Variants in DHX37 observed in about 807,000 individuals in gnomAD.
DHX37 encodes the protein probable ATP-dependent RNA helicase DHX37.
DHX37 carries 52 observed loss-of-function variants against 134.3 expected under a neutral mutation model. The observed-to-expected ratio is 0.39, with a 90% CI of 0.31 to 0.49. The LOEUF (loss-of-function observed/expected upper bound fraction) is 0.49. Among genes scored for constraint, DHX37 ranks in the 20% least tolerant of loss-of-function variants. The pLI is 0.93. For missense variants in DHX37, 1,344 were observed against 1,580.8 expected (o/e 0.85, Z 2.54); for synonymous variants, 634 against 670.7 (o/e 0.95, Z 0.85).
chr12:124,981,890 G>A lies in DHX37; in HGVS notation c.389+621C>T, dbSNP rs11057946. On this transcript the variant is annotated intron_variant, in intron 3 of 26. Transcript: ENST00000308736. ...TGTAATCCCAGCACTTTGGGAGGCC[G>A]AGGCGGGCAGATCACCCAAGGTTGG... Among the ~76,000 whole-genome samples, 88 of 151,892 alleles carry A rather than the reference G, an allele frequency of 5.8e-4. No homozygotes were observed. In the East Asian group the frequency reaches 7.1e-3, roughly 12 times the overall value.
chr12:124,980,813 C>T lies in DHX37; in HGVS notation c.415G>A (p.Gly139Ser). The change falls in exon 4 of 27, where the codon GGC (glycine) becomes AGC (serine). Residue 139 changes from glycine to serine, a missense_variant. Gly to Ser is a moderately conservative substitution (Grantham distance 56). This residue lies in a region of DHX37 where 319 missense variants were observed against 296.1 expected (regional missense o/e 1.08). Coordinates refer to ENST00000308736, the MANE Select transcript of DHX37 (RefSeq NM_032656.4). This position sits in a 1 kb window ranked among gnomAD's most constrained non-coding sequence, Gnocchi z 5.3. ...KEKADEVVAP[G>S]QEKISSLSGA... ...CTGAGGCTACTGATCTTCTCCTGGC[C>T]CGGGGCTACCACCTCGTCAGCCTTC... The T allele has an allele frequency of 4.5e-6, 7 of 1,556,232 alleles. No individual in the cohort carries two copies. Among genetic ancestry groups the T allele is most frequent in the Non-Finnish European group, 5.2e-6 (6 of 1,153,362 alleles).
intron 8 of DHX37, among the ~76,000 whole-genome samples, 167 bp downstream of exon 8, chr12:124,971,135 C>A (rs1240252863): frequency 6.6e-6 from 1 of 152,202 alleles, no homozygotes; most frequent in Admixed American, 6.5e-5. Context: ...ATTCACAGCC[C>A]TGGCACTAGG....
rs563881280 is a variant in DHX37 at position 124,970,035 on chromosome 12, C to T, written c.1192-1067G>A. Among the ~76,000 whole-genome samples, 8 of 152,304 alleles carry T rather than the reference C, an allele frequency of 5.3e-5. No homozygotes were observed. The East Asian group carries it at 1.5e-3, about 29-fold the overall frequency. ...TCACCCAGGCTGGAGTGCAGTGGCGCGATCGCGGCTCACTGCAAGCTCCAC... is the reference window on the plus strand; with the variant it reads ...TCACCCAGGCTGGAGTGCAGTGGCGTGATCGCGGCTCACTGCAAGCTCCAC... On this transcript the variant is annotated intron_variant, in intron 8 of 26. Coordinates refer to ENST00000308736, the MANE Select transcript of DHX37 (RefSeq NM_032656.4).
Position 124,982,609 on chromosome 12 carries a change from T to C in DHX37, c.291A>G (p.Leu97=). ...AAGCCTGGACTTCACTCAGCTTCTG[T>C]AGCATCTCTGCTCGCTGGGAAAGGA... ...KEKKSQRAEM[L]QKLSEVQASE... Residue 97 remains leucine (L), a synonymous_variant, in exon 3 of 27, where the codon CTA becomes CTG. Coordinates refer to ENST00000308736, the MANE Select transcript of DHX37 (RefSeq NM_032656.4). 5 of 1,613,590 alleles carry C rather than the reference T, an allele frequency of 3.1e-6. No individual in the cohort carries two copies. In the South Asian group the frequency reaches 4.4e-5, roughly 14 times the overall value.
At chr12:124,967,287 G>T in intron 10 of DHX37, 69 bp from the exon 11 acceptor site, 1 of 1,521,760 alleles carries the variant, frequency 6.6e-7, no homozygotes, top group Non-Finnish European at 8.9e-7. Context: ...AAAAGCACCT[G>T]CCAAGCCATG....
In DHX37 at chr12:124,969,043, G is replaced by T. The variant is rs529679683; in HGVS notation, c.1192-75C>A. 6.7e-5 allele frequency: 96 copies of T among 1,433,020 alleles called. No individual in the cohort carries two copies. In the East Asian group the frequency reaches 1.5e-3, roughly 22 times the overall value. 88.8% of individuals were successfully genotyped at this position (1,433,020 alleles called of 1,614,324 possible). On this transcript the variant is annotated intron_variant, in intron 8 of 26. Coordinates refer to ENST00000308736, the MANE Select transcript of DHX37 (RefSeq NM_032656.4). ...CTGAAGCCTGGGAAATCGGCATGGG[G>T]GTGCCCTGCTGCCCACCCCGTTTCC...
intron 13 of DHX37, 33 bp downstream of exon 13, chr12:124,965,635 G>A: frequency 6.4e-7 from 1 of 1,572,712 alleles, no homozygotes; most frequent in Admixed American, 1.8e-5. Flanking sequence ...CAGAGATAAT[G>A]AACATGAGCA....
chr12:124,985,518 C>T lies in DHX37; in HGVS notation c.276+578G>A, dbSNP rs369750331. Among the ~76,000 whole-genome samples the T allele has an allele frequency of 1.7e-4, 26 of 149,308 alleles. No homozygotes were observed. The East Asian group carries it at 3.5e-3, about 20-fold the overall frequency. ...TTGGGAGGCCGAGGCGGGCGGATCACGAGGTCAGGATATCAAGATCATCCT... is the reference window on the plus strand; with the variant it reads ...TTGGGAGGCCGAGGCGGGCGGATCATGAGGTCAGGATATCAAGATCATCCT... On this transcript the variant is annotated intron_variant, in intron 2 of 26. Coordinates refer to ENST00000308736, the MANE Select transcript of DHX37 (RefSeq NM_032656.4).
intron 2 of DHX37, among the ~76,000 whole-genome samples, chr12:124,985,820 T>C (rs1954861295): frequency 6.8e-6 from 1 of 147,196 alleles, no homozygotes; most frequent in South Asian, 2.2e-4. Flanking sequence ...AAAAATTAAA[T>C]TTAAATTAAA....
intron 5 of DHX37, 36 bp from the exon 6 acceptor site, chr12:124,975,547 G>A (rs371217725): frequency 2.9e-4 from 471 of 1,600,878 alleles, no homozygotes; most frequent in Non-Finnish European, 3.9e-4. Context: ...AACAGTGCGC[G>A]GCCCCACCTG....
chr12:124,960,295 T>A lies in DHX37; in HGVS notation c.2157+17A>T. 1.2e-6 allele frequency: 2 copies of A among 1,606,940 alleles called. No individual in the cohort carries two copies. Among genetic ancestry groups the A allele is most frequent in the Non-Finnish European group, 1.7e-6 (2 of 1,174,600 alleles). On this transcript the variant is annotated intron_variant, in intron 16 of 26. Transcript: ENST00000308736. ...CCACTGGGGTGGCTGAGAGCGGGGC[T>A]GGGGGCAGCAACTGACCTTTTCAAC...
intron 14 of DHX37, 55 bp downstream of exon 14, chr12:124,964,875 A>G (rs1215730706): frequency 6.5e-7 from 1 of 1,536,304 alleles, no homozygotes; most frequent in Non-Finnish European, 8.8e-7. Flanking sequence ...GACCAACCCC[A>G]CTGTAATGCC....
chr12:124,954,475 G>C (rs779600035), intron 18 of DHX37, among the ~76,000 whole-genome samples: 2 of 151,058 alleles, frequency 1.3e-5, no homozygotes, highest in African/African-American at 2.4e-5. Context: ...TTCACTGCAA[G>C]TTCCGCCTTC....
At chr12:124,961,285 CACTT>C (rs200210472) in intron 15 of DHX37, among the ~76,000 whole-genome samples, 1,437 of 126,116 alleles carry the variant, frequency 0.011, 72 homozygotes, top group East Asian at 0.014. Context: ...CACGCACACA[CACTT>C]ACACGCGTGC....
intron 16 of DHX37, among the ~76,000 whole-genome samples, chr12:124,959,570 C>T (rs1426518749): frequency 6.6e-6 from 1 of 152,098 alleles, no homozygotes; most frequent in African/African-American, 2.4e-5. Flanking sequence ...CCCAAAGCAG[C>T]GTGTAACATA....
rs973733597 is a variant in DHX37 at position 124,968,605 on chromosome 12, C to T, written c.1337G>A (p.Arg446Gln). The change falls in exon 10 of 27, where the codon CGG becomes CAG. Residue 446 changes from arginine to glutamine, a missense_variant. By Grantham distance (43) the Arg-to-Gln change is conservative (BLOSUM62 1). Around this residue, in one of 7 missense-constraint regions of DHX37, gnomAD observed 289 missense variants for 323.8 expected, o/e 0.89. Transcript: ENST00000308736. ...GCCACTGTAGTCTTCCAGCGGTGTC[C>T]GCTTGTTGAAATGCACAGTCACTGG... ...QFPVTVHFNK[R>Q]TPLEDYSGEC... is the part of the protein sequence containing the mutation. The T allele has an allele frequency of 8.1e-6, 13 of 1,614,008 alleles. 1 individual carries two copies. The highest frequency in any genetic ancestry group is 3.3e-5 in the Admixed American group (2 of 60,010).
chr12:124,965,942 G>T, intron 12 of DHX37, 130 bp from the exon 13 acceptor site: 1 of 1,183,074 alleles, frequency 8.5e-7, no homozygotes, highest in Non-Finnish European at 1.2e-6. Context: ...ACCCGGGGCA[G>T]GCCACATAAT....
Position 124,966,859 on chromosome 12 carries a change from T to A in DHX37, c.1524A>T (p.Lys508Asn), listed in dbSNP as rs35165507. The change falls in exon 12 of 27, where the codon AAA (lysine) becomes AAT (asparagine). Residue 508 changes from lysine (K) to asparagine (N), a missense_variant. Coordinates refer to ENST00000308736, the MANE Select transcript of DHX37 (RefSeq NM_032656.4). ...ACTTCCGCATTTCCTCCACCGAGTC[T>A]TTCTGATCGTCGTCCTTTTCTGGGA... ...ARPQEKDDDQ[K>N]DSVEEMRKFK... The A allele has an allele frequency of 1.2e-6, 2 of 1,614,260 alleles. No homozygotes were observed. Among genetic ancestry groups the A allele is most frequent in the African/African-American group, 1.3e-5 (1 of 75,072 alleles).
In DHX37 at chr12:124,971,307, C is replaced by G; in HGVS notation, c.1186G>C (p.Ala396Pro). The change falls in exon 8 of 27, where the codon GCT becomes CCT. Residue 396 changes from alanine (A) to proline (P), a missense_variant. Transcript: ENST00000308736. Reference protein sequence around the residue: ...GLLSRIVTLRAKRNLPLKLLI... With the variant: ...GLLSRIVTLRPKRNLPLKLLI... ...GCACCCGCCTCCTGCGCTACCTTAG[C>G]CCGGAGAGTCACAATGCGGGACAGG... 3.1e-6 allele frequency: 5 copies of G among 1,612,516 alleles called. No homozygotes were observed. The highest frequency in any genetic ancestry group is 4.2e-6 in the Non-Finnish European group (5 of 1,179,934).
Sources: gnomAD v4.1 joint callset for allele counts (sites outside exome capture counted in the v4.1 genomes callset) on GRCh38, gnomAD v4.1.1 for gene constraint, gnomAD v4.1.1 regional missense constraint, Gnocchi (gnomAD v3.1) non-coding constraint, MANE v1.5 for transcripts, NCBI Gene and HGNC (gene_info 2026-07-23, HGNC 2026-07-21) for gene names.